DENND1A: variants seen among roughly 807,000 people sequenced by gnomAD.
The protein encoded by DENND1A is DENN domain containing 1A, also known as DENN domain-containing protein 1A.
Under a neutral mutation model 113.7 loss-of-function variants are expected in DENND1A, and 51 were observed. The observed-to-expected ratio is 0.45, with a 90% CI of 0.36 to 0.57. The LOEUF is 0.57. DENND1A is among the 20% of genes least tolerant of loss of function. The pLI is 0.00. For synonymous variants in DENND1A, 565 were observed against 570.8 expected (o/e 0.99, Z 0.14); for missense variants, 1,258 against 1,395.9 (o/e 0.90, Z 1.57).
rs570823143 is a variant in DENND1A, at chr9:123,688,382, T to C, written c.303-11593A>G. 2.4e-4 allele frequency among the ~76,000 whole-genome samples: 36 copies of C among 152,368 alleles called. No individual in the cohort carries two copies. In the South Asian group the frequency reaches 7.2e-3, roughly 31 times the overall value. ...ATAATAATTAAGCTCATTTGTGTTA[T>C]AGACAGCATTCATTCACTCATTCAT... On this transcript the variant is annotated intron_variant, in intron 5 of 23. Transcript: ENST00000394215.
intron 7 of DENND1A, among the ~76,000 whole-genome samples, chr9:123,667,334 G>C (rs575690417): frequency 9.2e-5 from 14 of 152,274 alleles, no homozygotes; most frequent in African/African-American, 3.4e-4. Context: ...AAGAGTTCAG[G>C]CCAGGAGTGT....
intron 13 of DENND1A, among the ~76,000 whole-genome samples, chr9:123,540,035 A>G (rs1218017043): frequency 6.6e-6 from 1 of 152,250 alleles, no homozygotes; most frequent in Non-Finnish European, 1.5e-5. Context: ...CTTTGTAAAC[A>G]GTGTCAGCAT....
At chr9:123,443,465 G>T (rs961129912) in intron 18 of DENND1A, among the ~76,000 whole-genome samples, 1 of 152,246 alleles carries the variant, frequency 6.6e-6, no homozygotes, top group Admixed American at 6.5e-5. Context: ...CCAATACACA[G>T]ATGTACCTGC....
rs986698746 is a variant in DENND1A at position 123,704,288 on chromosome 9, C to A, written c.303-27499G>T. On this transcript the variant is annotated intron_variant, in intron 5 of 23. Transcript: ENST00000394215. The stretch of plus-strand genomic sequence containing the variant: ...AGGTCAGAGGTGAAAGGAGATAAAG[C>A]CTAGAAATCTCTTAAGTACACAACA... Among the ~76,000 whole-genome samples the A allele has an allele frequency of 2.0e-5, 3 of 152,248 alleles. No homozygotes were observed. The South Asian group carries it at 6.2e-4, about 32-fold the overall frequency.
chr9:123,889,753 A>G (rs1179310244), intron 1 of DENND1A, among the ~76,000 whole-genome samples: 1 of 152,148 alleles, frequency 6.6e-6, no homozygotes, highest in Non-Finnish European at 1.5e-5. Flanking sequence ...CAGGTAGATC[A>G]CCTGAGGTCA....
At chr9:123,542,762 C>T (rs560513729) in intron 13 of DENND1A, among the ~76,000 whole-genome samples, 58 of 152,240 alleles carry the variant, frequency 3.8e-4, no homozygotes, top group East Asian at 7.7e-4. Flanking sequence ...TGCACAGACC[C>T]GCAGGGACCA....
chr9:123,666,762 C>A (rs1333272831), intron 8 of DENND1A, among the ~76,000 whole-genome samples: 1 of 152,114 alleles, frequency 6.6e-6, no homozygotes, highest in Non-Finnish European at 1.5e-5. Flanking sequence ...AATCAAATAT[C>A]ATATTAATAC....
At chr9:123,862,295 G>T (rs2133302776) in intron 2 of DENND1A, among the ~76,000 whole-genome samples, 1 of 152,218 alleles carries the variant, frequency 6.6e-6, no homozygotes, top group South Asian at 2.1e-4. Flanking sequence ...TCTCACAGCT[G>T]CTACAAAAGC....
At chr9:123,662,746 A>T (rs927113786) in intron 8 of DENND1A, among the ~76,000 whole-genome samples, 7 of 152,222 alleles carry the variant, frequency 4.6e-5, no homozygotes, top group Non-Finnish European at 8.8e-5. Flanking sequence ...AGGAAAGGTA[A>T]TCTACTAACT....
At chr9:123,423,381 C>T (rs914744736) in intron 19 of DENND1A, among the ~76,000 whole-genome samples, 2 of 152,298 alleles carry the variant, frequency 1.3e-5, no homozygotes, top group Non-Finnish European at 2.9e-5. Context: ...TGCAACTCGG[C>T]GCTCATCAGC....
intron 13 of DENND1A, among the ~76,000 whole-genome samples, chr9:123,469,094 A>C (rs899035640): frequency 6.6e-6 from 1 of 152,192 alleles, no homozygotes; most frequent in African/African-American, 2.4e-5. Context: ...GGGTCACTGC[A>C]TGGCTATAGT....
intron 19 of DENND1A, among the ~76,000 whole-genome samples, chr9:123,438,978 C>T (rs1324528550): frequency 1.3e-5 from 2 of 152,210 alleles, no homozygotes; most frequent in Admixed American, 6.5e-5. Context: ...CAGTGAGGGG[C>T]TCCTTTCATG....
intron 10 of DENND1A, among the ~76,000 whole-genome samples, chr9:123,611,656 T>C (rs754196068): frequency 6.6e-6 from 1 of 152,208 alleles, no homozygotes; most frequent in Non-Finnish European, 1.5e-5. Flanking sequence ...AATCATGCAA[T>C]TGACCAGTGA....
At chr9:123,719,634 AT>A (rs150956719) in intron 5 of DENND1A, among the ~76,000 whole-genome samples, 12,160 of 148,052 alleles carry the variant, frequency 0.082, 514 homozygotes, top group Admixed American at 0.11. Flanking sequence ...AGGTTTTCAG[AT>A]TTTTTTTTTT....
intron 1 of DENND1A, among the ~76,000 whole-genome samples, chr9:123,902,045 T>C (rs912017936): frequency 1.6e-4 from 24 of 152,048 alleles, no homozygotes; most frequent in African/African-American, 5.1e-4. Context: ...CGATGTCATG[T>C]AAAGCAAAAG....
At chr9:123,818,567 C>CACATATATATATATAT (rs1490590177) in intron 2 of DENND1A, among the ~76,000 whole-genome samples, 1 of 41,988 alleles carries the variant, frequency 2.4e-5, no homozygotes, top group African/African-American at 4.6e-5. Context: ...CACACACACA[C>CACATATATATATATAT]ATATATATAT....
At chr9:123,549,415 C>G (rs187394241) in intron 13 of DENND1A, among the ~76,000 whole-genome samples, 1 of 152,068 alleles carries the variant, frequency 6.6e-6, no homozygotes, top group Non-Finnish European at 1.5e-5. Flanking sequence ...GCAGGGAGTG[C>G]GCACCCTCCC....
chr9:123,414,651 A>G (rs2044578667), intron 19 of DENND1A: 12 of 1,535,118 alleles, frequency 7.8e-6, no homozygotes, highest in Non-Finnish European at 9.7e-6. Flanking sequence ...CCAGGCAAAA[A>G]CCTATTAACT....
intron 9 of DENND1A, among the ~76,000 whole-genome samples, chr9:123,643,965 T>C (rs2139152286): frequency 6.6e-6 from 1 of 152,304 alleles, no homozygotes; most frequent in Non-Finnish European, 1.5e-5. Flanking sequence ...CTAAGAATAT[T>C]TCTCTAAGTA....
Sources: gnomAD v4.1 joint callset for allele counts (sites outside exome capture counted in the v4.1 genomes callset) on GRCh38, gnomAD v4.1.1 for gene constraint, MANE v1.5 for transcripts, NCBI Gene and HGNC (gene_info 2026-07-23, HGNC 2026-07-21) for gene names.